The following MET variants were observed in gnomAD, a reference collection of about 807,000 sequenced individuals.
MET encodes hepatocyte growth factor receptor.
A neutral mutation model predicts 133.1 loss-of-function variants in MET; 48 were observed. The observed-to-expected ratio is 0.36, with a 90% CI of 0.29 to 0.46. The LOEUF is 0.46. MET is among the 20% of genes least tolerant of loss of function. The pLI is 1.00. For synonymous variants in MET, 628 were observed against 616.5 expected (o/e 1.02, Z -0.28); for missense variants, 1,442 against 1,695.9 (o/e 0.85, Z 2.63).
rs369148519 is a variant in MET at position 116,774,906 on chromosome 7, C to T, written c.3054C>T (p.Asn1018=). 19 of 1,613,958 alleles carry T rather than the reference C, an allele frequency of 1.2e-5. No individual in the cohort carries two copies. Among genetic ancestry groups the T allele is most frequent in the African/African-American group, 4.0e-5 (3 of 74,934 alleles). Residue 1018 remains asparagine, a synonymous_variant, in exon 15 of 21, where the codon AAC becomes AAT. Transcript: ENST00000397752. Reference sequence around the variant, plus strand: ...ATCAGTTTCCTAATTCATCTCAGAACGGTTCATGCCGACAAGTGCAGTATC... The same window carrying T: ...ATCAGTTTCCTAATTCATCTCAGAATGGTTCATGCCGACAAGTGCAGTATC... The part of the protein sequence containing the change: ...PEDQFPNSSQ[N]GSCRQVQYPL...
intron 2 of MET, among the ~76,000 whole-genome samples, chr7:116,728,679 T>C (rs542010602): frequency 2.6e-5 from 4 of 152,318 alleles, no homozygotes; most frequent in African/African-American, 9.6e-5. Flanking sequence ...CACTAATTTT[T>C]CAGCAGGCTG....
intron 4 of MET, among the ~76,000 whole-genome samples, chr7:116,740,481 A>G (rs1793401182): frequency 1.3e-5 from 2 of 152,216 alleles, no homozygotes; most frequent in Admixed American, 1.3e-4. Context: ...ATGACATGCA[A>G]CTTTACTTAG....
Position 116,796,240 on chromosome 7 carries a change from C to A in MET, c.*116C>A. 1.1e-6 allele frequency: 1 copy of A among 907,520 alleles called. No homozygotes were observed. The highest frequency in any genetic ancestry group is 1.8e-6 in the Non-Finnish European group (1 of 553,954). The allele number at this position is 907,520 out of a possible 1,614,324, so 56.2% of individuals were successfully genotyped here. On this transcript the variant is annotated 3_prime_UTR_variant, in exon 21 of 21. Transcript: ENST00000397752. ...TTGCCAAAATTGCACTATTATAGGA[C>A]TTGTATTGTTATTTAAATTACTGGA...
At chr7:116,768,277 T>C (rs1794705586) in intron 11 of MET, among the ~76,000 whole-genome samples, 1 of 152,148 alleles carries the variant, frequency 6.6e-6, no homozygotes, top group East Asian at 1.9e-4. Context: ...TTTTAGACCT[T>C]TTCTCATAAA....
chr7:116,709,909 G>A (rs1791931066), intron 2 of MET, among the ~76,000 whole-genome samples: 1 of 152,238 alleles, frequency 6.6e-6, no homozygotes, highest in Non-Finnish European at 1.5e-5. Context: ...TGATCCTGGG[G>A]CTTAAGGAAC....
chr7:116,701,344 G>A (rs1456668497), intron 2 of MET, among the ~76,000 whole-genome samples: 1 of 152,254 alleles, frequency 6.6e-6, no homozygotes, highest in African/African-American at 2.4e-5. Context: ...AGATATAAAG[G>A]TTATAATTGC....
chr7:116,754,905 AAGAAAG>A (rs1327307574), intron 5 of MET, among the ~76,000 whole-genome samples: 2 of 86,756 alleles, frequency 2.3e-5, no homozygotes, highest in African/African-American at 6.6e-5. Flanking sequence ...GAAAGAAAGA[AAGAAAG>A]AAAGAAAGAA....
At chr7:116,693,763 A>G (rs886655993) in intron 1 of MET, among the ~76,000 whole-genome samples, 3 of 152,192 alleles carry the variant, frequency 2.0e-5, no homozygotes, top group South Asian at 4.1e-4. Flanking sequence ...TTATCTTTGT[A>G]TCTTCAGCAC....
At chr7:116,716,470 AAAGAAAG>A (rs1562893269) in intron 2 of MET, among the ~76,000 whole-genome samples, 37 of 20,124 alleles carry the variant, frequency 1.8e-3, no homozygotes, top group African/African-American at 8.9e-3. Flanking sequence ...AAAGAAAGAG[AAAGAAAG>A]AAAGAAAGAA....
At chr7:116,754,335 C>T (rs573147485) in intron 5 of MET, among the ~76,000 whole-genome samples, 12 of 152,236 alleles carry the variant, frequency 7.9e-5, no homozygotes, top group Admixed American at 4.6e-4. Flanking sequence ...ATGTAGTGCA[C>T]GCAGCCAGTG....
chr7:116,764,773 T>G (rs937721111), intron 11 of MET, among the ~76,000 whole-genome samples: 3 of 152,172 alleles, frequency 2.0e-5, no homozygotes, highest in Non-Finnish European at 4.4e-5. Context: ...TTTATTTTCT[T>G]GCCTATATAT....
intron 19 of MET, among the ~76,000 whole-genome samples, chr7:116,787,824 G>C (rs1795365015): frequency 1.3e-5 from 2 of 152,150 alleles, no homozygotes; most frequent in African/African-American, 4.8e-5. Context: ...AGAATAGCTA[G>C]CTAATGAGCA....
chr7:116,700,865 A>G (rs1413359619), intron 2 of MET, among the ~76,000 whole-genome samples: 4 of 152,212 alleles, frequency 2.6e-5, no homozygotes, highest in African/African-American at 9.6e-5. Flanking sequence ...ATGAGCTCGT[A>G]TACTTCTCTA....
In MET at chr7:116,721,094, C is replaced by T. The variant is rs576634644; in HGVS notation, c.1201-10574C>T. 2.4e-3 allele frequency among the ~76,000 whole-genome samples: 367 copies of T among 152,214 alleles called. 3 individuals are homozygous for T. Among genetic ancestry groups the T allele is most frequent in the African/African-American group, 8.3e-3 (346 of 41,538 alleles). On this transcript the variant is annotated intron_variant, in intron 2 of 20. Coordinates refer to ENST00000397752, the MANE Select transcript of MET (RefSeq NM_000245.4). ...TCCTCCTTGCACCTCTGATAGAATT[C>T]GGCTGTGAATCCATCTGGTCCTGGA...
At chr7:116,739,034 C>A (rs1278084939) in intron 3 of MET, among the ~76,000 whole-genome samples, 1 of 152,196 alleles carries the variant, frequency 6.6e-6, no homozygotes, top group Non-Finnish European at 1.5e-5. Flanking sequence ...TAGGGCTGTG[C>A]TGAGCCTCCT....
In MET at chr7:116,699,817, T is replaced by C. The variant is rs780411452; in HGVS notation, c.733T>C (p.Tyr245His). 12 of 1,614,146 alleles carry C rather than the reference T, an allele frequency of 7.4e-6. No individual in the cohort carries two copies. The highest frequency in any genetic ancestry group is 1.0e-5 in the Non-Finnish European group (12 of 1,179,978). The change falls in exon 2 of 21, where the codon TAC (tyrosine) becomes CAC (histidine). Residue 245 changes from tyrosine to histidine, a missense_variant. Physicochemically the swap from Tyr to His is moderately conservative, Grantham distance 83. Around this residue, in one of 6 missense-constraint regions of MET, gnomAD observed 762 missense variants for 792.4 expected, o/e 0.96. Transcript: ENST00000397752. The part of the protein sequence containing the change: ...IDVLPEFRDS[Y>H]PIKYVHAFES... ...TGTTTTACCTGAGTTCAGAGATTCT[T>C]ACCCCATTAAGTATGTCCATGCCTT...
intron 1 of MET, chr7:116,695,876 G>T: frequency 2.5e-6 from 1 of 397,582 alleles, no homozygotes; most frequent in African/African-American, 2.1e-5. Flanking sequence ...CTTGTCCTCT[G>T]GTCCAACTAC....
intron 19 of MET, among the ~76,000 whole-genome samples, chr7:116,788,976 C>T (rs573331347): frequency 4.6e-5 from 7 of 152,314 alleles, no homozygotes; most frequent in Admixed American, 6.5e-5. Context: ...TTGTATTATA[C>T]GTTGTTTCAC....
chr7:116,740,758 T>A, intron 4 of MET, 94 bp from the exon 5 acceptor site: 1 of 1,471,016 alleles, frequency 6.8e-7, no homozygotes, highest in Non-Finnish European at 9.4e-7. Flanking sequence ...TTCCATCAAA[T>A]GATATTTACA....
Sources: gnomAD v4.1 joint callset for allele counts (sites outside exome capture counted in the v4.1 genomes callset) on GRCh38, gnomAD v4.1.1 for gene constraint, gnomAD v4.1.1 regional missense constraint, MANE v1.5 for transcripts, NCBI Gene and HGNC (gene_info 2026-07-23, HGNC 2026-07-21) for gene names.